EFL1: variants seen among roughly 807,000 people sequenced by gnomAD.
The protein encoded by EFL1 is elongation factor like GTPase 1.
Under a neutral mutation model 126.7 loss-of-function variants are expected in EFL1, and 76 were observed. The observed-to-expected ratio is 0.60, with a 90% CI of 0.50 to 0.73. The LOEUF (loss-of-function observed/expected upper bound fraction) is 0.73. Ranked by LOEUF, EFL1 falls within the 30% of genes least tolerant of loss-of-function variation. EFL1 has a pLI of 0.00. For synonymous variants in EFL1, 410 were observed against 448.4 expected (o/e 0.91, Z 1.08); for missense variants, 1,128 against 1,343.2 (o/e 0.84, Z 2.50).
chr15:82,144,092 G>A (rs1018098370), intron 18 of EFL1, among the ~76,000 whole-genome samples: 8 of 151,998 alleles, frequency 5.3e-5, no homozygotes, highest in Non-Finnish European at 7.4e-5. Context: ...GTGAGACTCC[G>A]TCTCCACAAA....
intron 15 of EFL1, among the ~76,000 whole-genome samples, chr15:82,194,819 T>C (rs549682966): frequency 6.6e-6 from 1 of 152,184 alleles, no homozygotes; most frequent in Admixed American, 6.5e-5. Flanking sequence ...GCTTCTCTAC[T>C]TTTCCACAAA....
At chr15:82,138,558 C>G in intron 19 of EFL1, 100 bp downstream of exon 19, 1 of 1,427,704 alleles carries the variant, frequency 7.0e-7, no homozygotes, top group Non-Finnish European at 9.5e-7. Flanking sequence ...ATAGGAAGGC[C>G]AAATGGCATG....
chr15:82,151,899 G>A lies in EFL1; in HGVS notation c.2555C>T (p.Ala852Val). The A allele has an allele frequency of 1.9e-6, 3 of 1,614,050 alleles. No individual in the cohort carries two copies. Among genetic ancestry groups the A allele is most frequent in the Non-Finnish European group, 2.5e-6 (3 of 1,180,026 alleles). ...ACTGGCTTCTTTTGAAGCTTTGTCA[G>A]CTGGACCTGTCCATACTGAGTTCTG... The part of the protein sequence containing the change: ...DFQNSVWTGP[A>V]DKASKEASRY... Residue 852 changes from alanine (A) to valine (V), a missense_variant, in exon 18 of 20, where the codon GCT becomes GTT. By Grantham distance (64) the Ala-to-Val change is moderately conservative. Around this residue, in one of 6 missense-constraint regions of EFL1, gnomAD observed 561 missense variants for 641.7 expected, o/e 0.87. Transcript: ENST00000268206.
At chr15:82,208,335 A>G (rs1231240578) in intron 15 of EFL1, among the ~76,000 whole-genome samples, 1 of 152,228 alleles carries the variant, frequency 6.6e-6, no homozygotes, top group African/African-American at 2.4e-5. Context: ...GCACTATACA[A>G]TACGGCAACC....
intron 2 of EFL1, 81 bp from the exon 3 acceptor site, chr15:82,259,236 G>T (rs1287007261): frequency 7.9e-7 from 1 of 1,273,662 alleles, no homozygotes; most frequent in African/African-American, 1.5e-5. Context: ...TTAAAATCTG[G>T]TCATAAGAAT....
At chr15:82,206,714 C>CA (rs2074528704) in intron 15 of EFL1, among the ~76,000 whole-genome samples, 1 of 152,004 alleles carries the variant, frequency 6.6e-6, no homozygotes, top group Non-Finnish European at 1.5e-5. Context: ...CCAAAACTGA[C>CA]ATAAGAAACA....
At chr15:82,132,236 G>C (rs750557481) in intron 19 of EFL1, among the ~76,000 whole-genome samples, 18 of 152,138 alleles carry the variant, frequency 1.2e-4, no homozygotes, top group Non-Finnish European at 1.6e-4. Flanking sequence ...TGCTGAGGCA[G>C]GTACAGAGAA....
intron 15 of EFL1, among the ~76,000 whole-genome samples, chr15:82,201,479 T>C (rs2074467207): frequency 6.6e-6 from 1 of 152,230 alleles, no homozygotes; most frequent in Admixed American, 6.5e-5. Context: ...GGGAAGAATC[T>C]ACGTGCTTGC....
Position 82,153,154 on chromosome 15 carries a change from T to C in EFL1, c.2031-731A>G, listed in dbSNP as rs543703784. 2.6e-5 allele frequency among the ~76,000 whole-genome samples: 4 copies of C among 152,340 alleles called. No individual in the cohort carries two copies. The East Asian group carries it at 7.7e-4, about 29-fold the overall frequency. On this transcript the variant is annotated intron_variant, in intron 17 of 19. Transcript: ENST00000268206. ...TTGATTTTAAACAGCTGCATGTGGG[T>C]AGAAGCTACTCTTCTGGACATCATA...
Position 82,151,457 on chromosome 15 carries a change from T to C in EFL1, c.2989+8A>G. The C allele has an allele frequency of 1.3e-6, 2 of 1,594,562 alleles. No homozygotes were observed. Among genetic ancestry groups the C allele is most frequent in the Non-Finnish European group, 1.7e-6 (2 of 1,172,212 alleles). On this transcript the variant is annotated splice_region_variant and intron_variant, in intron 18 of 19. Coordinates refer to ENST00000268206, the MANE Select transcript of EFL1 (RefSeq NM_024580.6). Reference sequence around the variant, plus strand: ...CATTTCTCACTATCTTTACCTTTTCTTCCTTACCGAGAACATCACCAGTGG... The same window carrying C: ...CATTTCTCACTATCTTTACCTTTTCCTCCTTACCGAGAACATCACCAGTGG...
intron 4 of EFL1, among the ~76,000 whole-genome samples, chr15:82,245,243 C>T (rs2074961319): frequency 6.6e-6 from 1 of 152,026 alleles, no homozygotes; most frequent in Non-Finnish European, 1.5e-5. Flanking sequence ...CCTCAAATTC[C>T]TGGGCTCAAG....
At chr15:82,251,846 A>G (rs1311297537) in intron 4 of EFL1, among the ~76,000 whole-genome samples, 1 of 152,206 alleles carries the variant, frequency 6.6e-6, no homozygotes, top group African/African-American at 2.4e-5. Context: ...TAATTACAAA[A>G]ATATACATTT....
At chr15:82,150,207 CAA>C (rs2073892481) in intron 18 of EFL1, among the ~76,000 whole-genome samples, 1 of 152,060 alleles carries the variant, frequency 6.6e-6, no homozygotes. Flanking sequence ...CTCAGTCTCA[CAA>C]AAACCTTAAT....
chr15:82,159,914 T>C (rs2074005353), intron 16 of EFL1: 2 of 152,208 alleles, frequency 1.3e-5, no homozygotes. Flanking sequence ...TTTTAACAAA[T>C]GGAACCTAGA....
At chr15:82,241,817 C>A (rs72749602) in intron 4 of EFL1, among the ~76,000 whole-genome samples, 1 of 152,148 alleles carries the variant, frequency 6.6e-6, no homozygotes, top group Non-Finnish European at 1.5e-5. Flanking sequence ...GTTCAAAGGG[C>A]CAACAAAGCA....
chr15:82,132,590 G>A (rs534003271), intron 19 of EFL1, among the ~76,000 whole-genome samples: 46 of 150,232 alleles, frequency 3.1e-4, no homozygotes, highest in Middle Eastern at 3.4e-3. Context: ...TAACTCTGGT[G>A]GGTGACAGCA....
chr15:82,242,048 G>A (rs1163935852), intron 4 of EFL1, among the ~76,000 whole-genome samples: 4 of 151,996 alleles, frequency 2.6e-5, no homozygotes, highest in South Asian at 2.1e-4. Flanking sequence ...GTTTTAGCAC[G>A]GAAATTCCCA....
intron 4 of EFL1, among the ~76,000 whole-genome samples, chr15:82,252,428 CT>C: frequency 6.6e-6 from 1 of 152,308 alleles, no homozygotes. Context: ...GGGCTCCTGA[CT>C]TTCCTTGTGA....
intron 19 of EFL1, among the ~76,000 whole-genome samples, chr15:82,136,579 G>C (rs2073724535): frequency 1.3e-5 from 2 of 152,176 alleles, no homozygotes; most frequent in Non-Finnish European, 2.9e-5. Flanking sequence ...AGAGGATGCT[G>C]TAATGATTTT....
Sources: gnomAD v4.1 joint callset for allele counts (sites outside exome capture counted in the v4.1 genomes callset) on GRCh38, gnomAD v4.1.1 for gene constraint, gnomAD v4.1.1 regional missense constraint, MANE v1.5 for transcripts, NCBI Gene and HGNC (gene_info 2026-07-23, HGNC 2026-07-21) for gene names.